Variants in HDGF observed in about 807,000 individuals in gnomAD.
HDGF encodes the protein heparin binding growth factor.
In HDGF, 5 loss-of-function variants were observed where a neutral mutation model predicts 30.0. The observed-to-expected ratio is 0.17, with a 90% CI of 0.09 to 0.35. HDGF has a LOEUF of 0.35. Among genes scored for constraint, HDGF ranks in the 10% least tolerant of loss-of-function variants. The pLI is 1.00. For missense variants in HDGF, 214 were observed against 302.8 expected (o/e 0.71, Z 2.18); for synonymous variants, 133 against 112.7 (o/e 1.18, Z -1.14).
chr1:156,752,348 C>T, upstream of HDGF: 1 of 1,551,714 alleles, frequency 6.4e-7, no homozygotes, highest in East Asian at 2.4e-5. Context: ...ACAAATTGGC[C>T]ACCTTCCGGG....
intron 1 of HDGF, among the ~76,000 whole-genome samples, chr1:156,764,445 C>T (rs766385137): frequency 2.6e-5 from 4 of 152,042 alleles, no homozygotes; most frequent in Non-Finnish European, 4.4e-5. Flanking sequence ...GATCCGCCCG[C>T]CTCAGCCTCC....
intron 4 of HDGF, 32 bp downstream of exon 4, chr1:156,744,131 G>C (rs1650336909): frequency 6.2e-7 from 1 of 1,607,396 alleles, no homozygotes; most frequent in South Asian, 1.1e-5. Flanking sequence ...GAATGTTGAG[G>C]GGGGCCCAGG....
At chr1:156,753,501 AT>A (rs1651085748), upstream of HDGF, among the ~76,000 whole-genome samples, 1 of 152,228 alleles carries the variant, frequency 6.6e-6, no homozygotes, top group Admixed American at 6.5e-5. Flanking sequence ...TGTTTCAAGA[AT>A]AAGTCTCCAG....
intron 1 of HDGF, among the ~76,000 whole-genome samples, chr1:156,746,936 A>T (rs910790566): frequency 6.6e-6 from 1 of 151,796 alleles, no homozygotes; most frequent in African/African-American, 2.4e-5. Context: ...GCTGAGACAC[A>T]CCCAGGAGAA....
chr1:156,759,634 A>G (rs755084529), intron 1 of HDGF, among the ~76,000 whole-genome samples: 125 of 152,242 alleles, frequency 8.2e-4, no homozygotes, highest in Non-Finnish European at 1.0e-3. Flanking sequence ...GGCGCACGCC[A>G]CCATGCCCGG....
rs1385093355 is a variant in HDGF, at chr1:156,744,339, T to G, written c.313A>C (p.Lys105Gln). 1.4e-5 allele frequency: 23 copies of G among 1,614,086 alleles called. No individual in the cohort carries two copies. The highest frequency in any genetic ancestry group is 1.9e-5 in the Non-Finnish European group (22 of 1,180,010). The change falls in exon 4 of 6, where the codon AAA becomes CAA. Residue 105 changes from lysine to glutamine, a missense_variant. By Grantham distance (53) the Lys-to-Gln change is moderately conservative (BLOSUM62 1). Around this residue, in one of 2 missense-constraint regions of HDGF, gnomAD observed 176 missense variants for 211.7 expected, o/e 0.83. Coordinates refer to ENST00000357325, the MANE Select transcript of HDGF (RefSeq NM_004494.3). ...TCAGGCTCTTCCACACAGCTCTTTT[T>G]CTGGGAGGACTGCAGCAGAGACAGC... ...VKASGYQSSQKKSCVEEPEPE... is the reference protein window; with the variant it reads ...VKASGYQSSQQKSCVEEPEPE...
chr1:156,742,508 G>A lies in HDGF; in HGVS notation c.*941C>T, dbSNP rs1331839874. ...GGAGCAGAATGGAGAGCACACAAAG[G>A]GTTAGGGGTCTTTAAAATTTTTTTT... On this transcript the variant is annotated 3_prime_UTR_variant, in exon 6 of 6. Coordinates refer to ENST00000357325, the MANE Select transcript of HDGF (RefSeq NM_004494.3). 6.6e-6 allele frequency: 1 copy of A among 152,538 alleles called. No homozygotes were observed. The highest frequency in any genetic ancestry group is 1.5e-5 in the Non-Finnish European group (1 of 68,084). The allele number at this position is 152,538 out of a possible 1,614,324, so 9.4% of individuals were successfully genotyped here. A position where few individuals can be genotyped will look rare whatever the true frequency, so the allele number is the denominator to read the frequency against.
intron 1 of HDGF, 105 bp from the exon 2 acceptor site, chr1:156,745,478 G>A (rs1371593326): frequency 1.1e-6 from 1 of 933,044 alleles, no homozygotes; most frequent in Middle Eastern, 2.2e-4. Flanking sequence ...AGACTGAGAG[G>A]GACCCAGGAT....
In HDGF at chr1:156,751,631, G is replaced by C; in HGVS notation, c.-202C>G. 5 of 993,494 alleles carry C rather than the reference G, an allele frequency of 5.0e-6. No individual in the cohort carries two copies. Among genetic ancestry groups the C allele is most frequent in the Non-Finnish European group, 6.0e-6 (5 of 835,984 alleles). 61.5% of individuals were successfully genotyped at this position (993,494 alleles called of 1,614,324 possible). On this transcript the variant is annotated 5_prime_UTR_variant, in exon 1 of 6. Coordinates refer to ENST00000357325, the MANE Select transcript of HDGF (RefSeq NM_004494.3). The surrounding 1 kb of genome is among the most constrained non-coding windows in gnomAD (Gnocchi z 4.7). ...ACGGGGCGGGCGCGGATCGGGGCAAGGCTCCGGCGCGGTGGGTGCGCGCTC... is the reference window on the plus strand; with the variant it reads ...ACGGGGCGGGCGCGGATCGGGGCAACGCTCCGGCGCGGTGGGTGCGCGCTC...
chr1:156,761,630 C>CA lies in HDGF; in HGVS notation n.137-2412dup, dbSNP rs202167835. Reference sequence around the variant, plus strand: ...TCTCAAAACAAAACAAAACAAAAAACAAAAAAAAAACCATAAAAATAAATA... The same window carrying CA: ...TCTCAAAACAAAACAAAACAAAAAACAAAAAAAAAAACCATAAAAATAAATA... On this transcript the variant is annotated intron_variant and non_coding_transcript_variant, in intron 1 of 7. Transcript: ENST00000465180. 1.8e-3 allele frequency among the ~76,000 whole-genome samples: 240 copies of CA among 132,618 alleles called. 2 individuals carry two copies. Among genetic ancestry groups the CA allele is most frequent in the African/African-American group, 5.3e-3 (184 of 34,948 alleles). The allele number at this position is 132,618 out of a possible 152,430, so 87.0% of individuals were successfully genotyped here. A position where few individuals can be genotyped will look rare whatever the true frequency, so the allele number is the denominator to read the frequency against.
intron 1 of HDGF, among the ~76,000 whole-genome samples, chr1:156,746,943 A>G (rs1264856011): frequency 6.6e-6 from 1 of 151,982 alleles, no homozygotes; most frequent in Non-Finnish European, 1.5e-5. Flanking sequence ...CACACCCAGG[A>G]GAAGGGGTGG....
At chr1:156,752,190 C>T, upstream of HDGF, 2 of 1,551,768 alleles carry the variant, frequency 1.3e-6, no homozygotes, top group East Asian at 2.4e-5. Flanking sequence ...CCGTGCCGCT[C>T]CGCGCACTGG....
intron 1 of HDGF, among the ~76,000 whole-genome samples, chr1:156,762,047 T>C (rs1571562567): frequency 6.8e-6 from 1 of 146,236 alleles, no homozygotes; most frequent in Non-Finnish European, 1.5e-5. Context: ...GAGGCTGAGG[T>C]GGGAGGATTG....
At chr1:156,755,861 T>G (rs11805654), upstream of HDGF, among the ~76,000 whole-genome samples, 24,777 of 152,204 alleles carry the variant, frequency 0.16, 2,339 homozygotes, top group Middle Eastern at 0.23. Context: ...ATGGACACTT[T>G]GTGTGTAACT....
chr1:156,755,773 C>T (rs766191309), upstream of HDGF: 1 of 152,188 alleles, frequency 6.6e-6, no homozygotes. Flanking sequence ...AGCAGCCCTG[C>T]CTTTGTGCAT....
intron 3 of HDGF, 38 bp downstream of exon 3, chr1:156,744,970 T>G (rs1433037815): frequency 1.2e-6 from 2 of 1,611,746 alleles, no homozygotes; most frequent in African/African-American, 1.3e-5. Flanking sequence ...CAGCCACATC[T>G]GCTTTCCAGG....
chr1:156,747,902 A>G (rs1334192776), intron 1 of HDGF, among the ~76,000 whole-genome samples: 1 of 152,192 alleles, frequency 6.6e-6, no homozygotes, highest in Non-Finnish European at 1.5e-5. Context: ...GCACACTCAG[A>G]GGCAGATAGC....
At chr1:156,761,245 G>A (rs1248205521) in intron 1 of HDGF, among the ~76,000 whole-genome samples, 1 of 151,826 alleles carries the variant, frequency 6.6e-6, no homozygotes, top group Non-Finnish European at 1.5e-5. Context: ...AGGAGGTGGA[G>A]GTTGCAGTGA....
At chr1:156,758,931 C>G (rs1186504036) in intron 2 of HDGF, 1 of 152,466 alleles carries the variant, frequency 6.6e-6, no homozygotes, top group Non-Finnish European at 1.5e-5. Flanking sequence ...CCTGAAGTTG[C>G]TAAGCCAGGA....
Sources: allele counts gnomAD v4.1 joint callset (sites outside exome capture counted in the v4.1 genomes callset), GRCh38; gene constraint gnomAD v4.1.1; regional missense constraint gnomAD v4.1.1; non-coding constraint Gnocchi (gnomAD v3.1); transcripts MANE v1.5; gene names NCBI Gene and HGNC (gene_info 2026-07-23, HGNC 2026-07-21).